TGFBR3: variants seen among roughly 807,000 people sequenced by gnomAD.
The protein encoded by TGFBR3 is transforming growth factor beta receptor type 3.
A neutral mutation model predicts 87.9 loss-of-function variants in TGFBR3; 46 were observed. The observed-to-expected ratio is 0.52, with a 90% confidence interval of 0.41 to 0.67. The LOEUF (loss-of-function observed/expected upper bound fraction) is 0.67. TGFBR3 is among the 30% of genes least tolerant of loss of function. The pLI, the probability that TGFBR3 is intolerant of heterozygous loss-of-function variation, is 0.00. For synonymous variants in TGFBR3, 381 were observed against 391.6 expected, an observed-to-expected ratio of 0.97 and a Z score of 0.32; for missense variants, 866 against 1,041.9, an observed-to-expected ratio of 0.83 and a Z score of 2.32.
At chr1:91,838,625 A>AT (rs71311981) in intron 2 of TGFBR3, among the ~76,000 whole-genome samples, 39,999 of 140,392 alleles carry the variant, frequency 0.28, 6,120 homozygotes, top group Non-Finnish European at 0.35. Flanking sequence ...CACCCGACTA[A>AT]TTTTTTTTTT....
chr1:91,743,517 C>T (rs753247853), intron 4 of TGFBR3, among the ~76,000 whole-genome samples: 5 of 152,210 alleles, frequency 3.3e-5, no homozygotes, highest in Non-Finnish European at 5.9e-5. Context: ...TTTTCCCAAA[C>T]TCACTTTACA....
chr1:91,757,189 T>A (rs1190541263), intron 4 of TGFBR3, among the ~76,000 whole-genome samples: 1 of 152,218 alleles, frequency 6.6e-6, no homozygotes, highest in African/African-American at 2.4e-5. Flanking sequence ...ACTGATACTT[T>A]TGAAGATTAT....
chr1:91,814,576 A>G (rs1676147868), intron 2 of TGFBR3, among the ~76,000 whole-genome samples: 1 of 152,160 alleles, frequency 6.6e-6, no homozygotes, highest in Non-Finnish European at 1.5e-5. Context: ...CAACCACAAG[A>G]CAAATCTCAA....
intron 15 of TGFBR3, among the ~76,000 whole-genome samples, chr1:91,697,192 T>C (rs946135044): frequency 2.0e-5 from 3 of 152,208 alleles, no homozygotes; most frequent in Non-Finnish European, 4.4e-5. Context: ...TTACAAGTTT[T>C]TAATGAAACT....
chr1:91,776,926 C>T (rs926969873), intron 3 of TGFBR3, among the ~76,000 whole-genome samples: 1 of 152,164 alleles, frequency 6.6e-6, no homozygotes, highest in Non-Finnish European at 1.5e-5. Flanking sequence ...CAAATCTCAC[C>T]GTAGTTCTGG....
rs754724902 is a variant in TGFBR3, at chr1:91,797,464, C to G, written c.69G>C (p.Glu23Asp). 6 of 1,614,108 alleles carry G rather than the reference C, an allele frequency of 3.7e-6. No homozygotes were observed. The highest frequency in any genetic ancestry group is 5.1e-6 in the Non-Finnish European group (6 of 1,180,046). Residue 23 changes from glutamate to aspartate, a missense_variant, in exon 3 of 17, where the codon GAG (glutamate) becomes GAC (aspartate). Glu to Asp is a conservative substitution (Grantham distance 45, BLOSUM62 2). Coordinates refer to ENST00000212355, the MANE Select transcript of TGFBR3 (RefSeq NM_003243.5). ...GTGACAGTTCACACAGTGCACCAGG[C>G]TCTGGACCTGCCAAGGGAATCACAA... ...MSSCLATAGP[E>D]PGALCELSPV... is the part of the protein sequence containing the mutation.
chr1:91,714,853 A>G (rs1478922117), intron 12 of TGFBR3, among the ~76,000 whole-genome samples: 1 of 152,238 alleles, frequency 6.6e-6, no homozygotes, highest in Non-Finnish European at 1.5e-5. Flanking sequence ...TCCCCAATGG[A>G]GAAAGAAGGT....
intron 3 of TGFBR3, among the ~76,000 whole-genome samples, chr1:91,764,892 A>T (rs544074214): frequency 9.8e-4 from 149 of 152,200 alleles, no homozygotes; most frequent in Non-Finnish European, 1.6e-3. Flanking sequence ...GCTCTCTCAG[A>T]CAGCACTGGT....
chr1:91,846,444 T>C (rs1677503191), intron 2 of TGFBR3, among the ~76,000 whole-genome samples: 1 of 152,096 alleles, frequency 6.6e-6, no homozygotes, highest in South Asian at 2.1e-4. Flanking sequence ...GACAGTAAAG[T>C]TGTCCTTACA....
intron 13 of TGFBR3, 92 bp from the exon 14 acceptor site, chr1:91,708,875 C>T (rs1671888018): frequency 1.3e-6 from 2 of 1,538,014 alleles, no homozygotes; most frequent in Admixed American, 3.7e-5. Context: ...GGCCTTTTAT[C>T]AGACAGCACA....
At chr1:91,695,379 CTGTACGT>C in intron 16 of TGFBR3, 1 of 393,516 alleles carries the variant, frequency 2.5e-6, no homozygotes, top group Non-Finnish European at 4.8e-6. Flanking sequence ...GTTTGTATTT[CTGTACGT>C]TGTCTGCATT....
intron 2 of TGFBR3, among the ~76,000 whole-genome samples, chr1:91,819,405 T>C (rs1355592893): frequency 6.6e-6 from 1 of 151,202 alleles, no homozygotes; most frequent in Middle Eastern, 3.2e-3. Flanking sequence ...CCCACTCCAC[T>C]GACCTTGTAA....
At chr1:91,851,916 A>G (rs971250835) in intron 2 of TGFBR3, among the ~76,000 whole-genome samples, 1 of 152,202 alleles carries the variant, frequency 6.6e-6, no homozygotes, top group Non-Finnish European at 1.5e-5. Flanking sequence ...CTATATGCAC[A>G]TTCAGTTGCC....
At chr1:91,827,176 G>A (rs1676674574) in intron 2 of TGFBR3, among the ~76,000 whole-genome samples, 1 of 152,168 alleles carries the variant, frequency 6.6e-6, no homozygotes, top group South Asian at 2.1e-4. Context: ...GACGCCGTAG[G>A]TGTGATGTAA....
intron 3 of TGFBR3, among the ~76,000 whole-genome samples, chr1:91,770,489 AAAAC>A (rs1674340216): frequency 1.3e-5 from 2 of 152,200 alleles, no homozygotes; most frequent in Admixed American, 1.3e-4. Flanking sequence ...TATAGTAACT[AAAAC>A]AGAAATCTCT....
chr1:91,899,154 C>T (rs1425439998), intron 2 of TGFBR3, among the ~76,000 whole-genome samples: 1 of 151,946 alleles, frequency 6.6e-6, no homozygotes, highest in Non-Finnish European at 1.5e-5. Context: ...ATGTTCTTAC[C>T]CCCAAAATAA....
chr1:91,796,442 T>C (rs916402469), intron 3 of TGFBR3, among the ~76,000 whole-genome samples: 5 of 152,216 alleles, frequency 3.3e-5, no homozygotes, highest in African/African-American at 4.8e-5. Flanking sequence ...TATATCTTTA[T>C]CATCACCATC....
chr1:91,830,078 G>A (rs1481488122), intron 2 of TGFBR3: 1 of 152,038 alleles, frequency 6.6e-6, no homozygotes, highest in Non-Finnish European at 1.5e-5. Flanking sequence ...TAAAGGCAGG[G>A]CCTGAAATAA....
intron 3 of TGFBR3, among the ~76,000 whole-genome samples, chr1:91,768,996 T>C (rs17131556): frequency 0.051 from 7,743 of 152,260 alleles, 267 homozygotes; most frequent in African/African-American, 0.086. Context: ...CAGTTTGACC[T>C]GGTGGTTAAG....
Sources: gnomAD v4.1 joint callset for allele counts (sites outside exome capture counted in the v4.1 genomes callset) on GRCh38, gnomAD v4.1.1 for gene constraint, MANE v1.5 for transcripts, NCBI Gene and HGNC (gene_info 2026-07-23, HGNC 2026-07-21) for gene names.